ARPP19: variants seen among roughly 807,000 people sequenced by gnomAD.
ARPP19 encodes cAMP-regulated phosphoprotein 19.
Under a neutral mutation model 12.0 loss-of-function variants are expected in ARPP19, and 8 were observed. The ratio of observed to expected loss-of-function variants is 0.67; its 90% CI spans 0.39 to 1.21. The LOEUF is 1.21. ARPP19 is among the 50% of genes most tolerant of loss of function. ARPP19 has a pLI of 0.01. For synonymous variants in ARPP19, 47 were observed against 50.4 expected (o/e 0.93, Z 0.29); for missense variants, 102 against 136.3 (o/e 0.75, Z 1.25).
intron 2 of ARPP19, among the ~76,000 whole-genome samples, chr15:52,554,999 T>G (rs1227724636): frequency 1.3e-5 from 2 of 152,076 alleles, no homozygotes; most frequent in Non-Finnish European, 2.9e-5. Flanking sequence ...TTTGTCAAGT[T>G]TGCTAACTAG....
In ARPP19 at chr15:52,566,319, T is replaced by C. The variant is rs2078081738; in HGVS notation, c.45+2529A>G. On this transcript the variant is annotated intron_variant, in intron 1 of 2. Transcript: ENST00000249822. Reference sequence around the variant, plus strand: ...GATTATAGGTGTGGGCCACCATGCCTGGCTAGTTTTTGTACTTTTAGTAAA... The same window carrying C: ...GATTATAGGTGTGGGCCACCATGCCCGGCTAGTTTTTGTACTTTTAGTAAA... Among the ~76,000 whole-genome samples, 3 of 151,984 alleles carry C rather than the reference T, an allele frequency of 2.0e-5. No individual in the cohort carries two copies. The South Asian group carries it at 6.2e-4, about 32-fold the overall frequency.
chr15:52,551,367 G>A lies in ARPP19; in HGVS notation c.*567C>T, dbSNP rs2077929127. The A allele has an allele frequency of 6.6e-6, 1 of 152,630 alleles. No individual in the cohort carries two copies. The highest frequency in any genetic ancestry group is 1.5e-5 in the Non-Finnish European group (1 of 68,086). 9.5% of individuals were successfully genotyped at this position (152,630 alleles called of 1,614,324 possible). ...GAGTCACATAAGTTACACCAGAATG[G>A]GCAAATATTGCCCAAGTAAAATTCT... On this transcript the variant is annotated 3_prime_UTR_variant, in exon 3 of 3. Coordinates refer to ENST00000249822, the MANE Select transcript of ARPP19 (RefSeq NM_006628.6).
chr15:52,553,254 T>G (rs2077952471), intron 2 of ARPP19, among the ~76,000 whole-genome samples: 2 of 152,122 alleles, frequency 1.3e-5, no homozygotes, highest in Admixed American at 6.5e-5. Flanking sequence ...ATGAAAGAAA[T>G]AAACTCACTA....
chr15:52,557,255 T>G, intron 1 of ARPP19, 33 bp from the exon 2 acceptor site: 2 of 1,504,928 alleles, frequency 1.3e-6, no homozygotes, highest in African/African-American at 1.4e-5. Context: ...ACTTCTCTAT[T>G]ACAACTCAGT....
intron 1 of ARPP19, among the ~76,000 whole-genome samples, chr15:52,565,541 T>C (rs1252924296): frequency 2.6e-5 from 4 of 152,228 alleles, no homozygotes; most frequent in Non-Finnish European, 4.4e-5. Flanking sequence ...GTTCTGCATC[T>C]GAGCTTTCTT....
At chr15:52,558,583 A>T (rs969401981) in intron 1 of ARPP19, among the ~76,000 whole-genome samples, 1 of 152,072 alleles carries the variant, frequency 6.6e-6, no homozygotes, top group African/African-American at 2.4e-5. Context: ...TCTGCACATT[A>T]AATCAGCAAA....
intron 2 of ARPP19, among the ~76,000 whole-genome samples, chr15:52,554,896 A>C (rs749481397): frequency 2.0e-5 from 3 of 152,234 alleles, no homozygotes; most frequent in Non-Finnish European, 2.9e-5. Context: ...AATAACATTA[A>C]TGAGTACAAC....
At chr15:52,554,086 G>C (rs2048121852) in intron 2 of ARPP19, among the ~76,000 whole-genome samples, 1 of 152,218 alleles carries the variant, frequency 6.6e-6, no homozygotes, top group African/African-American at 2.4e-5. Flanking sequence ...GTAGCCTCTA[G>C]AGGAGAACAA....
chr15:52,566,759 A>C (rs1353864246), intron 1 of ARPP19, among the ~76,000 whole-genome samples: 2 of 152,216 alleles, frequency 1.3e-5, no homozygotes, highest in Non-Finnish European at 2.9e-5. Context: ...AGTGGTATAC[A>C]AGTTAAGAGA....
rs528189398 is a variant in ARPP19 at position 52,556,614 on chromosome 15, G to C, written c.168+486C>G. Among the ~76,000 whole-genome samples the C allele has an allele frequency of 4.1e-4, 62 of 152,194 alleles. 2 individuals are homozygous for C. The South Asian group carries it at 0.011, about 28-fold the overall frequency. On this transcript the variant is annotated intron_variant, in intron 2 of 2. Transcript: ENST00000249822. ...CATTTCATCCAAATAAGTATTTTAA[G>C]CTTTTGAATGTTGTGTGGGAATCAC... is the stretch of plus-strand genomic sequence containing the variant.
At chr15:52,557,779 T>C (rs1449685300) in intron 1 of ARPP19, 2 of 152,122 alleles carry the variant, frequency 1.3e-5, no homozygotes, top group East Asian at 3.8e-4. Context: ...GGGGTCTTGC[T>C]ATATTGCCTA....
intron 1 of ARPP19, among the ~76,000 whole-genome samples, chr15:52,563,062 G>C (rs1427960568): frequency 6.6e-6 from 1 of 151,932 alleles, no homozygotes; most frequent in Non-Finnish European, 1.5e-5. Flanking sequence ...TTTTAGTACA[G>C]ACAGGGTTTC....
rs1375596175 is a variant in ARPP19 at position 52,550,439 on chromosome 15, T to A, written c.*1495A>T. On this transcript the variant is annotated 3_prime_UTR_variant, in exon 3 of 3. Transcript: ENST00000249822. ...AAAATTCAGCTCATCTTGACATAGGTTCTTGAGCCAGTATTCCGAACCGTT... is the reference window on the plus strand; with the variant it reads ...AAAATTCAGCTCATCTTGACATAGGATCTTGAGCCAGTATTCCGAACCGTT... The A allele has an allele frequency of 6.6e-6, 1 of 152,184 alleles. No individual in the cohort carries two copies. Among genetic ancestry groups the A allele is most frequent in the African/African-American group, 2.4e-5 (1 of 41,434 alleles). 9.4% of individuals were successfully genotyped at this position (152,184 alleles called of 1,614,324 possible). A position where few individuals can be genotyped will look rare whatever the true frequency, so the allele number is the denominator to read the frequency against.
Position 52,547,938 on chromosome 15 carries a change from TG to T in ARPP19, c.*3995del, listed in dbSNP as rs1255659354. 6.6e-6 allele frequency: 1 copy of T among 152,086 alleles called. No individual in the cohort carries two copies. Among genetic ancestry groups the T allele is most frequent in the Non-Finnish European group, 1.5e-5 (1 of 68,018 alleles). The allele number at this position is 152,086 out of a possible 1,614,324, so 9.4% of individuals were successfully genotyped here. A position where few individuals can be genotyped will look rare whatever the true frequency, so the allele number is the denominator to read the frequency against. On this transcript the variant is annotated 3_prime_UTR_variant, in exon 3 of 3. Coordinates refer to ENST00000249822, the MANE Select transcript of ARPP19 (RefSeq NM_006628.6). ...TGGGGGATAGAGAGGCAAAATGAGG[TG>T]AAAGAGAAAATGGAAAGTGGAAAAT...
At chr15:52,561,748 A>G (rs180760020) in intron 1 of ARPP19, among the ~76,000 whole-genome samples, 1 of 151,784 alleles carries the variant, frequency 6.6e-6, no homozygotes, top group East Asian at 1.9e-4. Context: ...GAAGCAACAG[A>G]CTGTCCATTT....
At chr15:52,560,239 T>C (rs1024900200) in intron 1 of ARPP19, among the ~76,000 whole-genome samples, 1 of 151,638 alleles carries the variant, frequency 6.6e-6, no homozygotes, top group Non-Finnish European at 1.5e-5. Context: ...CCAGGTCATC[T>C]GCCCGCCTCG....
chr15:52,561,926 T>C (rs2078036405), intron 1 of ARPP19, among the ~76,000 whole-genome samples: 2 of 147,978 alleles, frequency 1.4e-5, no homozygotes, highest in Admixed American at 6.8e-5. Flanking sequence ...GCTAGTGCAG[T>C]GCACCTACTT....
intron 1 of ARPP19, among the ~76,000 whole-genome samples, chr15:52,568,105 C>T (rs1435151574): frequency 1.3e-5 from 2 of 152,216 alleles, no homozygotes; most frequent in Admixed American, 6.5e-5. Context: ...CGGCCTATTC[C>T]CCTACATCAG....
At chr15:52,566,972 AT>A (rs1175163116) in intron 1 of ARPP19, among the ~76,000 whole-genome samples, 1 of 152,180 alleles carries the variant, frequency 6.6e-6, no homozygotes, top group Non-Finnish European at 1.5e-5. Flanking sequence ...CTATAAAGGT[AT>A]TTTTAGCTGA....
Sources: gnomAD v4.1 joint callset for allele counts (sites outside exome capture counted in the v4.1 genomes callset) on GRCh38, gnomAD v4.1.1 for gene constraint, MANE v1.5 for transcripts, NCBI Gene and HGNC (gene_info 2026-07-23, HGNC 2026-07-21) for gene names.